The following GNB1L variants were observed in gnomAD, a reference collection of about 807,000 sequenced individuals.
GNB1L encodes the protein guanine nucleotide-binding protein subunit beta-like protein 1.
Under a neutral mutation model 29.1 loss-of-function variants are expected in GNB1L, and 20 were observed. That is an observed-to-expected ratio of 0.69 (90% CI 0.48 to 1.00). The LOEUF (loss-of-function observed/expected upper bound fraction) is 1.00, where lower values mean the gene tolerates loss of function less well. Among genes scored for constraint, GNB1L ranks in the 50% least tolerant of loss-of-function variants. The pLI is 0.00. For synonymous variants in GNB1L, 193 were observed against 206.5 expected, an observed-to-expected ratio of 0.93 and a Z score of 0.56; for missense variants, 421 against 464.9, an observed-to-expected ratio of 0.91 and a Z score of 0.87.
In GNB1L at chr22:19,828,431, G is replaced by C. The variant is rs539700311; in HGVS notation, c.-20-7056C>G. The stretch of plus-strand genomic sequence containing the variant: ...ACACTTTGGGAGGCTGAGGTGGAAG[G>C]ATTACTTGAGGCCAGGAGTTTGAGA... On this transcript the variant is annotated intron_variant, in intron 2 of 7. Transcript: ENST00000329517. Among the ~76,000 whole-genome samples the C allele has an allele frequency of 2.0e-5, 3 of 152,266 alleles. No individual in the cohort carries two copies. In the East Asian group the frequency reaches 5.8e-4, roughly 29 times the overall value.
At position 19,783,303 on chromosome 22, in the gene GNB1L, A is replaced by C. The variant is rs767738310; in HGVS notation, c.*5406T>G. 3 of 428,680 alleles carry C rather than the reference A, an allele frequency of 7.0e-6. No homozygotes were observed. Among genetic ancestry groups the C allele is most frequent in the Non-Finnish European group, 1.3e-5 (3 of 227,910 alleles). 26.6% of individuals were successfully genotyped at this position (428,680 alleles called of 1,614,324 possible). The stretch of plus-strand genomic sequence containing the variant: ...AAATGACTCGATTTCTCTACACCCC[A>C]CATTTTACAGGTTTCAGAGCCCAAG... On this transcript the variant is annotated 3_prime_UTR_variant, in exon 8 of 8. Transcript: ENST00000329517.
chr22:19,804,308 C>T (rs1384255204), intron 6 of GNB1L, among the ~76,000 whole-genome samples: 1 of 152,194 alleles, frequency 6.6e-6, no homozygotes, highest in Admixed American at 6.5e-5. Flanking sequence ...TCATTCTGCA[C>T]CCCTCCCATT....
rs1241902438 is a variant in GNB1L at position 19,852,998 on chromosome 22, C to A, written c.-21+1445G>T. ...CGCCCCAAAAACTCTGAACAACGCA[C>A]AGACCGCGTCGTCATTAGGCTCTTT... On this transcript the variant is annotated intron_variant, in intron 2 of 7. Coordinates refer to ENST00000329517, the MANE Select transcript of GNB1L (RefSeq NM_053004.3). Among the ~76,000 whole-genome samples, 4 of 152,204 alleles carry A rather than the reference C, an allele frequency of 2.6e-5. No individual in the cohort carries two copies. The South Asian group carries it at 8.3e-4, about 31-fold the overall frequency.
intron 2 of GNB1L, among the ~76,000 whole-genome samples, chr22:19,838,949 G>A (rs1486663802): frequency 6.6e-6 from 1 of 152,152 alleles, no homozygotes; most frequent in Admixed American, 6.5e-5. Flanking sequence ...TAACCCAAAT[G>A]ACCATCTATG....
At chr22:19,809,839 A>T (rs912603084) in intron 5 of GNB1L, among the ~76,000 whole-genome samples, 1 of 152,248 alleles carries the variant, frequency 6.6e-6, no homozygotes, top group Non-Finnish European at 1.5e-5. Context: ...GGCTGGTGCC[A>T]TCACAGCTCA....
chr22:19,792,866 A>T, intron 7 of GNB1L: 2 of 1,140,564 alleles, frequency 1.8e-6, no homozygotes, highest in South Asian at 2.5e-5. Flanking sequence ...CAAGACTGGG[A>T]CGTCTAGTCC....
intron 5 of GNB1L, 133 bp downstream of exon 5, chr22:19,812,152 C>T (rs1253558773): frequency 2.3e-5 from 21 of 930,862 alleles, no homozygotes; most frequent in East Asian, 1.1e-4. Context: ...GCATCAGCCC[C>T]GGCTGCTGAA....
chr22:19,799,549 A>G (rs568341540), intron 7 of GNB1L, among the ~76,000 whole-genome samples: 18 of 152,310 alleles, frequency 1.2e-4, no homozygotes, highest in African/African-American at 4.3e-4. Flanking sequence ...CGAAGCCACC[A>G]TCTGGTTCCG....
rs561988224 is a variant in GNB1L, at chr22:19,792,675, G to A, written c.733-3715C>T. ...GAAGAAAGCTGCTGGCAAACGGGACGTCCCCACCAAGAGACCACCTGTCCT... is the reference window on the plus strand; with the variant it reads ...GAAGAAAGCTGCTGGCAAACGGGACATCCCCACCAAGAGACCACCTGTCCT... On this transcript the variant is annotated intron_variant, in intron 7 of 7. Coordinates refer to ENST00000329517, the MANE Select transcript of GNB1L (RefSeq NM_053004.3). 7.5e-5 allele frequency: 111 copies of A among 1,471,402 alleles called. 1 individual carries two copies. The highest frequency in any genetic ancestry group is 3.1e-4 in the Admixed American group (18 of 57,176). 91.1% of individuals were successfully genotyped at this position (1,471,402 alleles called of 1,614,324 possible).
intron 7 of GNB1L, chr22:19,793,157 A>C: frequency 9.8e-7 from 1 of 1,024,726 alleles, no homozygotes; most frequent in South Asian, 1.5e-5. Flanking sequence ...TTCCTTCAAA[A>C]AAAAAATGAA....
chr22:19,818,087 G>C (rs1428228981), intron 4 of GNB1L, among the ~76,000 whole-genome samples: 1 of 152,200 alleles, frequency 6.6e-6, no homozygotes, highest in Non-Finnish European at 1.5e-5. Context: ...GTACAGTGCA[G>C]ACGCACCTGG....
chr22:19,785,052 C>T lies in GNB1L; in HGVS notation c.*3657G>A, dbSNP rs1937180075. On this transcript the variant is annotated 3_prime_UTR_variant, in exon 8 of 8. Coordinates refer to ENST00000329517, the MANE Select transcript of GNB1L (RefSeq NM_053004.3). This position sits in a 1 kb window ranked among gnomAD's most constrained non-coding sequence, Gnocchi z 4.1. ...GCCTTGTGGGGCCCTGAGCAGAGGA[C>T]CAGCTACGTTGTGCCCGTGCCTCGA... 6.6e-6 allele frequency: 1 copy of T among 152,250 alleles called. No homozygotes were observed. The highest frequency in any genetic ancestry group is 2.1e-4 in the South Asian group (1 of 4,832). The allele number at this position is 152,250 out of a possible 1,614,324, so 9.4% of individuals were successfully genotyped here.
chr22:19,833,650 G>A (rs1937716883), intron 2 of GNB1L, among the ~76,000 whole-genome samples: 1 of 152,014 alleles, frequency 6.6e-6, no homozygotes, highest in African/African-American at 2.4e-5. Context: ...GATCACTTGA[G>A]GTCAGGAGTT....
At chr22:19,851,187 G>A (rs1938085600) in intron 2 of GNB1L, 5 of 1,590,810 alleles carry the variant, frequency 3.1e-6, no homozygotes, top group Non-Finnish European at 4.3e-6. Flanking sequence ...GGAGAAAGTG[G>A]TGGCTCTCCT....
intron 7 of GNB1L, among the ~76,000 whole-genome samples, chr22:19,794,258 G>A (rs180825830): frequency 2.6e-5 from 4 of 152,242 alleles, no homozygotes; most frequent in Non-Finnish European, 5.9e-5. Flanking sequence ...TCAAAGAAAA[G>A]GGAAACTAAT....
At chr22:19,843,951 C>T (rs981693477) in intron 2 of GNB1L, among the ~76,000 whole-genome samples, 1 of 152,220 alleles carries the variant, frequency 6.6e-6, no homozygotes, top group African/African-American at 2.4e-5. Context: ...TAGCTGCCCC[C>T]CAGCAAGATT....
Position 19,820,608 on chromosome 22 carries a change from G to A in GNB1L, c.244C>T (p.Gln82Ter), listed in dbSNP as rs201313303. ...ACCTTGGAGACCCACCTGAGGAGCTGGCGCCCCTGGGGCAGCGTCTGCAGC... is the reference window on the plus strand; with the variant it reads ...ACCTTGGAGACCCACCTGAGGAGCTAGCGCCCCTGGGGCAGCGTCTGCAGC... ...TWLQTLPQGR[Q>*]LLSQGRDLKL... Residue 82 changes from glutamine (Q) to a stop codon, truncating the protein, a stop_gained, in exon 4 of 8, where the codon CAG becomes TAG. Coordinates refer to ENST00000329517, the MANE Select transcript of GNB1L (RefSeq NM_053004.3). LOFTEE classifies it high-confidence loss of function. The A allele has an allele frequency of 5.6e-6, 9 of 1,612,300 alleles. No homozygotes were observed. The highest frequency in any genetic ancestry group is 1.1e-5 in the South Asian group (1 of 90,992).
chr22:19,840,119 C>T (rs1340123297), intron 2 of GNB1L, among the ~76,000 whole-genome samples: 2 of 151,788 alleles, frequency 1.3e-5, no homozygotes, highest in African/African-American at 2.4e-5. Flanking sequence ...CTCTCTCTTA[C>T]AATATCCTGT....
At chr22:19,849,241 C>G (rs1468868679) in intron 2 of GNB1L, 1 of 985,212 alleles carries the variant, frequency 1.0e-6, no homozygotes. Context: ...GTTGTTTTAC[C>G]TACAAGGTAT....
Sources: gnomAD v4.1 joint callset for allele counts (sites outside exome capture counted in the v4.1 genomes callset) on GRCh38, gnomAD v4.1.1 for gene constraint, Gnocchi (gnomAD v3.1) non-coding constraint, MANE v1.5 for transcripts, NCBI Gene and HGNC (gene_info 2026-07-23, HGNC 2026-07-21) for gene names.